USP36: variants seen among roughly 807,000 people sequenced by gnomAD.
USP36 encodes the protein ubiquitin specific peptidase 36, also known as ubiquitin carboxyl-terminal hydrolase 36.
USP36 carries 59 observed loss-of-function variants against 111.5 expected under a neutral mutation model. The observed-to-expected ratio is 0.53, with a 90% CI of 0.43 to 0.66. USP36 has a LOEUF of 0.66. Ranked by LOEUF, USP36 falls within the 30% of genes least tolerant of loss-of-function variation. USP36 has a pLI of 0.00. For synonymous variants in USP36, 628 were observed against 581.0 expected, an observed-to-expected ratio of 1.08 and a Z score of -1.16; for missense variants, 1,488 against 1,468.0, an observed-to-expected ratio of 1.01 and a Z score of -0.22.
chr17:78,804,906 C>T (rs952594423), intron 15 of USP36, among the ~76,000 whole-genome samples: 3 of 152,096 alleles, frequency 2.0e-5, no homozygotes, highest in Non-Finnish European at 4.4e-5. Context: ...AGGGTGTTCC[C>T]GGGCAGGAAA....
At chr17:78,818,613 C>A in intron 10 of USP36, 54 bp downstream of exon 10, 1 of 1,511,008 alleles carries the variant, frequency 6.6e-7, no homozygotes, top group South Asian at 1.1e-5. Flanking sequence ...TCGTGTTATT[C>A]TGATGCCGAC....
At chr17:78,812,723 AG>A (rs377310938) in intron 13 of USP36, 136 bp downstream of exon 13, 6 of 835,910 alleles carry the variant, frequency 7.2e-6, no homozygotes, top group South Asian at 3.0e-5. Flanking sequence ...AAAAAAGAAA[AG>A]AAAAGAAATA....
chr17:78,799,218 G>A (rs1442998181), intron 18 of USP36, among the ~76,000 whole-genome samples, 195 bp from the exon 19 acceptor site: 2 of 152,208 alleles, frequency 1.3e-5, no homozygotes, highest in Middle Eastern at 3.2e-3. Context: ...AACCCCCAGC[G>A]ATGCCCTCTT....
At chr17:78,826,528 T>A (rs2067557156) in intron 6 of USP36, 1 of 152,690 alleles carries the variant, frequency 6.5e-6, no homozygotes, top group Non-Finnish European at 1.5e-5. Flanking sequence ...TTTCAATCAC[T>A]TATTGCCACA....
rs117433267 is a variant in USP36 at position 78,798,351 on chromosome 17, G to A, written c.*20+49C>T. ...CCACCACACCCCTACACACATACAC[G>A]GCACACACACCCCCACCTCACCCTT... is the stretch of plus-strand genomic sequence containing the variant. On this transcript the variant is annotated intron_variant, in intron 20 of 20. Transcript: ENST00000449938. The surrounding 1 kb of genome is among the most constrained non-coding windows in gnomAD (Gnocchi z 5.1). 6,884 of 1,598,546 alleles carry A rather than the reference G, an allele frequency of 4.3e-3. 27 individuals are homozygous for A. Among genetic ancestry groups the A allele is most frequent in the Non-Finnish European group, 5.0e-3 (5,887 of 1,174,020 alleles).
chr17:78,809,121 T>A (rs58451711), intron 13 of USP36, among the ~76,000 whole-genome samples: 19 of 152,312 alleles, frequency 1.2e-4, no homozygotes, highest in Admixed American at 4.6e-4. Context: ...TTGAATGAGA[T>A]CTTTTGTTTA....
Position 78,836,316 on chromosome 17 carries a change from C to T in USP36, c.48G>A (p.Lys16=). 6.2e-7 allele frequency: 1 copy of T among 1,614,180 alleles called. No individual in the cohort carries two copies. Among genetic ancestry groups the T allele is most frequent in the East Asian group, 2.2e-5 (1 of 44,886 alleles). The change falls in exon 3 of 21, where the codon AAG becomes AAA. Residue 16 remains lysine, a synonymous_variant. Transcript: ENST00000449938. ...KLKEALKPGR[K]DSADDGELGK... is the part of the protein sequence containing the mutation. ...CCAGTTCTCCATCATCAGCCGAGTC[C>T]TTGCGGCCGGGTTTCAGGGCCTCCT... is the stretch of plus-strand genomic sequence containing the variant.
chr17:78,826,676 G>T (rs566290169), intron 6 of USP36: 245 of 180,720 alleles, frequency 1.4e-3, no homozygotes, highest in Non-Finnish European at 2.4e-3. Context: ...ATGAACTCAG[G>T]AATGACACAA....
chr17:78,826,580 C>A (rs1223077987), intron 6 of USP36: 1 of 155,018 alleles, frequency 6.5e-6, no homozygotes, highest in Admixed American at 6.3e-5. Context: ...ATTCCCTAAA[C>A]TATTTAAAGT....
intron 15 of USP36, among the ~76,000 whole-genome samples, chr17:78,805,248 CTCTAAGTG>C (rs1463387880): frequency 6.6e-6 from 1 of 152,208 alleles, no homozygotes. Context: ...TGTTTGATTA[CTCTAAGTG>C]TCTTCTGGAA....
Position 78,835,514 on chromosome 17 carries a change from G to A in USP36, c.254-13C>T, listed in dbSNP as rs1421839088. ...GTGTGCTCACTGCCTGAGGAAGAAAGGGACAAGGGAAGAAAAGAGGAAGAC... is the reference window on the plus strand; with the variant it reads ...GTGTGCTCACTGCCTGAGGAAGAAAAGGACAAGGGAAGAAAAGAGGAAGAC... On this transcript the variant is annotated splice_polypyrimidine_tract_variant and intron_variant, in intron 3 of 20. Coordinates refer to ENST00000449938, the MANE Select transcript of USP36 (RefSeq NM_001385174.1). 2 of 1,579,184 alleles carry A rather than the reference G, an allele frequency of 1.3e-6. No homozygotes were observed. The highest frequency in any genetic ancestry group is 1.3e-5 in the African/African-American group (1 of 74,112).
intron 13 of USP36, 52 bp from the exon 14 acceptor site, chr17:78,807,688 G>A: frequency 2.0e-6 from 3 of 1,489,012 alleles, no homozygotes; most frequent in East Asian, 2.3e-5. Flanking sequence ...AGTCTCAGCT[G>A]GGCCACATCT....
At chr17:78,808,757 T>C (rs971297189) in intron 13 of USP36, among the ~76,000 whole-genome samples, 3 of 152,120 alleles carry the variant, frequency 2.0e-5, no homozygotes, top group African/African-American at 7.2e-5. Context: ...ATGCTGAATG[T>C]CAGCCTTCCC....
rs767762659 is a variant in USP36, at chr17:78,806,197, A to G, written c.2175T>C (p.Ser725=). The change falls in exon 15 of 21, where the codon TCT becomes TCC. Residue 725 remains serine, a synonymous_variant. Transcript: ENST00000449938. ...GCCAAGTGGAGGCAACGACGGGGTG[A>G]GAGGTTTTCATGGGGTGGGTGAGGT... The part of the protein sequence containing the change: ...SSDLTHPMKT[S]HPVVASTWPV... 1.9e-6 allele frequency: 3 copies of G among 1,613,438 alleles called. No individual in the cohort carries two copies. The highest frequency in any genetic ancestry group is 1.1e-5 in the South Asian group (1 of 91,026).
At position 78,821,142 on chromosome 17, in the gene USP36, G is replaced by A. The variant is rs1026722513; in HGVS notation, c.758-81C>T. ...TCCCAAGACCGAGACCCAGCAGGGA[G>A]GCAGACTCTCAGCAGGGCTTTGGCC... On this transcript the variant is annotated intron_variant, in intron 7 of 20. Transcript: ENST00000449938. 2.9e-6 allele frequency: 4 copies of A among 1,388,934 alleles called. 1 individual carries two copies. The South Asian group carries it at 5.2e-5, about 18-fold the overall frequency. The allele number at this position is 1,388,934 out of a possible 1,614,324, so 86.0% of individuals were successfully genotyped here.
Position 78,813,851 on chromosome 17 carries a change from T to C in USP36, c.1187A>G (p.Gln396Arg), listed in dbSNP as rs2094123847. The stretch of plus-strand genomic sequence containing the variant: ...GGAATGGACCAAGGAATCATTCATC[T>C]GGTACCACTGTCCATTGCTTGCCTG... ...YVKASNGQWY[Q>R]MNDSLVHSSN... Residue 396 changes from glutamine (Q) to arginine (R), a missense_variant, in exon 12 of 21, where the codon CAG becomes CGG. Transcript: ENST00000449938. The C allele has an allele frequency of 1.2e-6, 2 of 1,614,232 alleles. No individual in the cohort carries two copies. Among genetic ancestry groups the C allele is most frequent in the East Asian group, 2.2e-5 (1 of 44,894 alleles).
At chr17:78,823,571 G>C (rs2094382180) in intron 6 of USP36, among the ~76,000 whole-genome samples, 1 of 152,174 alleles carries the variant, frequency 6.6e-6, no homozygotes, top group Non-Finnish European at 1.5e-5. Flanking sequence ...GGCAGGAGGT[G>C]GCCCGAGAGC....
At chr17:78,815,895 TACATGCACGCAC>T (rs1370703373) in intron 10 of USP36, among the ~76,000 whole-genome samples, 1 of 151,908 alleles carries the variant, frequency 6.6e-6, no homozygotes, top group Non-Finnish European at 1.5e-5. Context: ...GCACAACACA[TACATGCACGCAC>T]ACATGCATAC....
chr17:78,817,539 G>C (rs1167094856), intron 10 of USP36, among the ~76,000 whole-genome samples: 3 of 152,078 alleles, frequency 2.0e-5, no homozygotes, highest in African/African-American at 7.2e-5. Context: ...CGGATCACCT[G>C]AGCTCAGGAG....
Sources: allele counts gnomAD v4.1 joint callset (sites outside exome capture counted in the v4.1 genomes callset), GRCh38; gene constraint gnomAD v4.1.1; non-coding constraint Gnocchi (gnomAD v3.1); transcripts MANE v1.5; gene names NCBI Gene and HGNC (gene_info 2026-07-23, HGNC 2026-07-21).